Variants in CAST observed in about 807,000 individuals in gnomAD.
The protein encoded by CAST is calpastatin.
CAST carries 76 observed loss-of-function variants against 119.6 expected under a neutral mutation model. That is an observed-to-expected ratio of 0.64 (90% CI 0.53 to 0.77). The LOEUF is 0.77. Ranked by LOEUF, CAST falls within the 30% of genes least tolerant of loss-of-function variation. CAST has a pLI of 0.00. For synonymous variants in CAST, 319 were observed against 331.6 expected, an observed-to-expected ratio of 0.96 and a Z score of 0.41; for missense variants, 953 against 946.5, an observed-to-expected ratio of 1.01 and a Z score of -0.09.
the CAST span, among the ~76,000 whole-genome samples, chr5:96,219,125 T>C: frequency 6.6e-6 from 1 of 152,210 alleles, no homozygotes; most frequent in Non-Finnish European, 1.5e-5. Context: ...GTGTATGATT[T>C]CATGGCCCAT....
At chr5:96,611,123 AT>A (rs1253278489) in intron 1 of CAST, among the ~76,000 whole-genome samples, 1 of 152,178 alleles carries the variant, frequency 6.6e-6, no homozygotes, top group Admixed American at 6.5e-5. Context: ...TACCAACATT[AT>A]TTTTTCATGG....
At chr5:96,698,379 CT>C (rs1191041402) in intron 3 of CAST, among the ~76,000 whole-genome samples, 1 of 152,002 alleles carries the variant, frequency 6.6e-6, no homozygotes, top group East Asian at 1.9e-4. Flanking sequence ...ACATGAAATT[CT>C]TTTTTTGGCT....
chr5:96,748,432 C>A, intron 18 of CAST, 86 bp from the exon 19 acceptor site: 1 of 603,634 alleles, frequency 1.7e-6, no homozygotes, highest in South Asian at 2.5e-5. Context: ...ATGTGTTAAT[C>A]AGGAAAAAAA....
the CAST span, among the ~76,000 whole-genome samples, chr5:96,049,708 G>C: frequency 6.6e-6 from 1 of 151,792 alleles, no homozygotes; most frequent in Non-Finnish European, 1.5e-5. Context: ...TTATACTTGG[G>C]ATGCACATGG....
At chr5:96,167,902 T>TC in the CAST span, among the ~76,000 whole-genome samples, 1 of 152,084 alleles carries the variant, frequency 6.6e-6, no homozygotes, top group East Asian at 1.9e-4. Flanking sequence ...TGGGGGGGCC[T>TC]GAACAATCCC....
chr5:96,707,168 G>A (rs1755155148), intron 3 of CAST, among the ~76,000 whole-genome samples: 1 of 152,136 alleles, frequency 6.6e-6, no homozygotes, highest in Non-Finnish European at 1.5e-5. Context: ...TTAGCTAGAG[G>A]AGGAAAACTT....
At chr5:96,050,486 T>A in the CAST span, among the ~76,000 whole-genome samples, 1 of 152,120 alleles carries the variant, frequency 6.6e-6, no homozygotes, top group Non-Finnish European at 1.5e-5. Context: ...TCAGTGTGGA[T>A]AAAAACAGAT....
the CAST span, among the ~76,000 whole-genome samples, chr5:96,113,703 C>A: frequency 2.6e-5 from 4 of 152,212 alleles, no homozygotes; most frequent in Non-Finnish European, 2.9e-5. Context: ...TCTTTCCTTG[C>A]AGGAGTGCCA....
chr5:96,320,744 C>G, the CAST span, among the ~76,000 whole-genome samples: 1 of 152,166 alleles, frequency 6.6e-6, no homozygotes, highest in Non-Finnish European at 1.5e-5. Flanking sequence ...TCCCTTGCCC[C>G]TGAAAAACTA....
the CAST span, among the ~76,000 whole-genome samples, chr5:95,982,849 T>G: frequency 6.6e-6 from 1 of 152,228 alleles, no homozygotes; most frequent in Non-Finnish European, 1.5e-5. Flanking sequence ...CTTTTTAAGT[T>G]TTAAAAAATT....
intron 1 of CAST, among the ~76,000 whole-genome samples, chr5:96,550,907 C>A (rs1276508889): frequency 6.6e-6 from 1 of 152,068 alleles, no homozygotes; most frequent in Non-Finnish European, 1.5e-5. Context: ...CCAAGAAATA[C>A]GGGACTATGT....
At chr5:95,973,779 T>A in the CAST span, among the ~76,000 whole-genome samples, 3 of 152,128 alleles carry the variant, frequency 2.0e-5, no homozygotes, top group Non-Finnish European at 4.4e-5. Context: ...AGAAACAAAT[T>A]CTCTCAAGCA....
the CAST span, among the ~76,000 whole-genome samples, chr5:96,395,500 G>A: frequency 7.2e-5 from 11 of 152,168 alleles, no homozygotes; most frequent in Non-Finnish European, 1.5e-4. Flanking sequence ...CAGGGACATG[G>A]ATAAAGCTGG....
At chr5:96,427,829 A>T in the CAST span, among the ~76,000 whole-genome samples, 1 of 152,176 alleles carries the variant, frequency 6.6e-6, no homozygotes, top group Non-Finnish European at 1.5e-5. Context: ...CCGGGGACTA[A>T]GCCTAGCCAG....
intron 3 of CAST, among the ~76,000 whole-genome samples, chr5:96,711,376 C>T (rs1756114426): frequency 6.6e-6 from 1 of 152,132 alleles, no homozygotes; most frequent in Non-Finnish European, 1.5e-5. Context: ...CTGGAATGCT[C>T]TGGGGGCAGG....
the CAST span, among the ~76,000 whole-genome samples, chr5:96,246,187 C>CTTTTTTTTTTTTTTTTTTTTTTTTTTTT: frequency 1.3e-5 from 1 of 76,386 alleles, no homozygotes. Flanking sequence ...GTCTGTCTTC[C>CTTTTTTTTTTTTTTTTTTTTTTTTTTTT]TTTTTTTTTT....
At chr5:96,235,107 A>G in the CAST span, among the ~76,000 whole-genome samples, 1 of 152,194 alleles carries the variant, frequency 6.6e-6, no homozygotes, top group Non-Finnish European at 1.5e-5. Flanking sequence ...AATTTTCCCA[A>G]AGGTGCCCCT....
chr5:96,534,941 G>GAAAA (rs1554066296), intron 1 of CAST, among the ~76,000 whole-genome samples: 4 of 147,486 alleles, frequency 2.7e-5, no homozygotes, highest in Non-Finnish European at 6.0e-5. Context: ...AAGAAAGAAA[G>GAAAA]AGAAAGGGAA....
chr5:95,961,538 G>T, the CAST span: 1 of 1,526,480 alleles, frequency 6.6e-7, no homozygotes, highest in South Asian at 1.2e-5. Context: ...GGTGCGCTCT[G>T]CCTCTCTGAG....
Sources: allele counts gnomAD v4.1 joint callset (sites outside exome capture counted in the v4.1 genomes callset), GRCh38; gene constraint gnomAD v4.1.1; transcripts MANE v1.5; gene names NCBI Gene and HGNC (gene_info 2026-07-23, HGNC 2026-07-21).